ZBTB7C: variants seen among roughly 807,000 people sequenced by gnomAD.
The protein encoded by ZBTB7C is zinc finger and BTB domain-containing protein 7C.
Under a neutral mutation model 25.7 loss-of-function variants are expected in ZBTB7C, and 8 were observed. That is an observed-to-expected ratio of 0.31 (90% CI 0.18 to 0.56). The LOEUF is 0.56. Among genes scored for constraint, ZBTB7C ranks in the 20% least tolerant of loss-of-function variants. The pLI is 0.91. For synonymous variants in ZBTB7C, 394 were observed against 369.0 expected, an observed-to-expected ratio of 1.07 and a Z score of -0.78; for missense variants, 824 against 855.2, an observed-to-expected ratio of 0.96 and a Z score of 0.46.
chr18:48,058,554 C>G (rs886371202), intron 3 of ZBTB7C, among the ~76,000 whole-genome samples: 1 of 152,166 alleles, frequency 6.6e-6, no homozygotes, highest in Non-Finnish European at 1.5e-5. Context: ...CTTTAAGACC[C>G]CTTGTGAGTC....
At chr18:48,237,955 C>A (rs1276779678) in intron 2 of ZBTB7C, among the ~76,000 whole-genome samples, 1 of 152,100 alleles carries the variant, frequency 6.6e-6, no homozygotes, top group Admixed American at 6.5e-5. Context: ...ATGATTCTTA[C>A]AAACACAATG....
intron 2 of ZBTB7C, among the ~76,000 whole-genome samples, chr18:48,226,224 C>T (rs2043087927): frequency 6.6e-6 from 1 of 152,220 alleles, no homozygotes; most frequent in Non-Finnish European, 1.5e-5. Flanking sequence ...AGTTTGGGGG[C>T]TATTTATTAC....
At chr18:48,191,571 C>T (rs2042196927) in intron 2 of ZBTB7C, among the ~76,000 whole-genome samples, 1 of 152,190 alleles carries the variant, frequency 6.6e-6, no homozygotes, top group Admixed American at 6.5e-5. Flanking sequence ...ATGCTTATTG[C>T]TCAGTCCTCA....
chr18:48,085,326 G>A (rs989552742), intron 3 of ZBTB7C, among the ~76,000 whole-genome samples: 3 of 152,158 alleles, frequency 2.0e-5, no homozygotes, highest in African/African-American at 7.2e-5. Flanking sequence ...TTTACCTTGT[G>A]GTGCCTACCC....
At chr18:48,251,630 G>A (rs1211455992) in intron 2 of ZBTB7C, among the ~76,000 whole-genome samples, 1 of 152,190 alleles carries the variant, frequency 6.6e-6, no homozygotes, top group African/African-American at 2.4e-5. Flanking sequence ...CCTTTTCTTT[G>A]TCAACCATGT....
At chr18:48,286,825 G>A (rs1233297612) in intron 2 of ZBTB7C, among the ~76,000 whole-genome samples, 2 of 148,110 alleles carry the variant, frequency 1.4e-5, no homozygotes, top group Non-Finnish European at 3.0e-5. Flanking sequence ...GCTAAGGCAG[G>A]GGGATCACTT....
chr18:48,052,350 T>TG (rs1250309910), intron 3 of ZBTB7C, among the ~76,000 whole-genome samples: 1 of 152,212 alleles, frequency 6.6e-6, no homozygotes, highest in Non-Finnish European at 1.5e-5. Flanking sequence ...GAAGAGGTTG[T>TG]GTGTGGATAA....
chr18:48,247,662 C>T (rs980334477), intron 2 of ZBTB7C, among the ~76,000 whole-genome samples: 2 of 152,330 alleles, frequency 1.3e-5, no homozygotes, highest in Middle Eastern at 3.4e-3. Context: ...TGTGTCCCCA[C>T]CCAAATCTCA....
chr18:48,311,400 G>T (rs1203953451), intron 2 of ZBTB7C, among the ~76,000 whole-genome samples: 1 of 152,154 alleles, frequency 6.6e-6, no homozygotes, highest in East Asian at 1.9e-4. Flanking sequence ...AGAAGCCAGG[G>T]TCTGTTATAG....
chr18:48,280,920 C>T (rs2044827076), intron 2 of ZBTB7C, among the ~76,000 whole-genome samples: 1 of 124,388 alleles, frequency 8.0e-6, no homozygotes, highest in African/African-American at 3.1e-5. Flanking sequence ...GTGGTGTGAT[C>T]TTCGCTCACT....
At chr18:48,306,392 A>G (rs1004454350) in intron 2 of ZBTB7C, among the ~76,000 whole-genome samples, 12 of 152,186 alleles carry the variant, frequency 7.9e-5, no homozygotes, top group African/African-American at 2.7e-4. Context: ...ACAACATCAA[A>G]TTTACCACTT....
intron 2 of ZBTB7C, among the ~76,000 whole-genome samples, chr18:48,225,540 C>A (rs1246233824): frequency 6.6e-6 from 1 of 152,098 alleles, no homozygotes; most frequent in Non-Finnish European, 1.5e-5. Context: ...TATACACAAG[C>A]CCCCTTTTAA....
chr18:48,190,546 A>G (rs1161513217), intron 2 of ZBTB7C, among the ~76,000 whole-genome samples: 2 of 152,168 alleles, frequency 1.3e-5, no homozygotes, highest in African/African-American at 4.8e-5. Context: ...CCATGAACTC[A>G]GGGGCCCTTT....
intron 3 of ZBTB7C, among the ~76,000 whole-genome samples, chr18:48,144,115 C>T (rs2040429479): frequency 6.6e-6 from 1 of 152,010 alleles, no homozygotes; most frequent in African/African-American, 2.4e-5. Flanking sequence ...CCCATCTTTA[C>T]TAAAAGTACA....
At chr18:48,342,492 G>A (rs187807143) in intron 1 of ZBTB7C, among the ~76,000 whole-genome samples, 38 of 152,242 alleles carry the variant, frequency 2.5e-4, no homozygotes, top group Non-Finnish European at 4.6e-4. Flanking sequence ...AACATCGCCC[G>A]AACCCCTCCC....
At chr18:48,231,080 C>T (rs2043239657) in intron 2 of ZBTB7C, among the ~76,000 whole-genome samples, 1 of 152,166 alleles carries the variant, frequency 6.6e-6, no homozygotes. Context: ...GGCTTGCAGG[C>T]ACCTTTGGCA....
intron 4 of ZBTB7C, among the ~76,000 whole-genome samples, chr18:48,034,508 C>T (rs1056129472): frequency 6.6e-6 from 1 of 152,094 alleles, no homozygotes; most frequent in African/African-American, 2.4e-5. Flanking sequence ...TCCCAGCCCT[C>T]TTCCTCCCAG....
rs2047242433 is a variant in ZBTB7C, at chr18:48,367,175, T to TATATATATATATATATATA, written c.-303-28778_-303-28777insTATATATATATATATATAT. Among the ~76,000 whole-genome samples, 15 of 62,240 alleles carry TATATATATATATATATATA rather than the reference T, an allele frequency of 2.4e-4. 1 individual carries two copies. The highest frequency in any genetic ancestry group is 1.0e-3 in the African/African-American group (14 of 13,368). The allele number at this position is 62,240 out of a possible 152,430, so 40.8% of individuals were successfully genotyped here. On this transcript the variant is annotated intron_variant, in intron 1 of 4. Transcript: ENST00000590800. ...TTTCCCCTGTTCTTCTCCCCAAGTT[T>TATATATATATATATATATA]TATATATATATATATATATATATAT...
chr18:48,382,200 T>C (rs1396103418), intron 1 of ZBTB7C, among the ~76,000 whole-genome samples: 2 of 152,136 alleles, frequency 1.3e-5, no homozygotes, highest in Non-Finnish European at 2.9e-5. Flanking sequence ...ATGTAGCCAT[T>C]TACACATGTG....
Sources: gnomAD v4.1 joint callset for allele counts (sites outside exome capture counted in the v4.1 genomes callset) on GRCh38, gnomAD v4.1.1 for gene constraint, MANE v1.5 for transcripts, NCBI Gene and HGNC (gene_info 2026-07-23, HGNC 2026-07-21) for gene names.